Variants in SEMA6A observed in about 807,000 individuals in gnomAD.
The protein encoded by SEMA6A is semaphorin-6A.
A neutral mutation model predicts 96.8 loss-of-function variants in SEMA6A; 25 were observed. The observed-to-expected ratio is 0.26, with a 90% CI of 0.19 to 0.36. The LOEUF (loss-of-function observed/expected upper bound fraction) is 0.36, where lower values mean the gene tolerates loss of function less well. Ranked by LOEUF, SEMA6A falls within the 10% of genes least tolerant of loss-of-function variation. The pLI is 1.00. For synonymous variants in SEMA6A, 612 were observed against 518.0 expected (o/e 1.18, Z -2.46); for missense variants, 1,363 against 1,323.1 (o/e 1.03, Z -0.47).
At position 116,499,624 on chromosome 5, in the gene SEMA6A, G is replaced by T. The variant is rs146920624; in HGVS notation, c.219-2237C>A. ...GAACTCCTTTAAGAATTTTTCTAAG[G>T]TTGTCTGTTGAGAGGAAGTGGCTGC... is the stretch of plus-strand genomic sequence containing the variant. On this transcript the variant is annotated intron_variant, in intron 3 of 18. Transcript: ENST00000343348. Among the ~76,000 whole-genome samples the T allele has an allele frequency of 5.6e-3, 858 of 152,298 alleles. 10 individuals are homozygous for T. The highest frequency in any genetic ancestry group is 0.018 in the African/African-American group (738 of 41,570).
intron 18 of SEMA6A, among the ~76,000 whole-genome samples, chr5:116,450,895 C>G (rs1013905940): frequency 2.6e-5 from 4 of 152,156 alleles, no homozygotes; most frequent in African/African-American, 9.7e-5. Context: ...TTTGGAAATG[C>G]CTTTCAAACT....
In SEMA6A at chr5:116,482,509, G is replaced by A; in HGVS notation, c.1029C>T (p.Phe343=). 6.2e-7 allele frequency: 1 copy of A among 1,613,488 alleles called. No individual in the cohort carries two copies. The highest frequency in any genetic ancestry group is 8.5e-7 in the Non-Finnish European group (1 of 1,179,580). ...TGGAATCAGGAGACTTCTGTTCCTT[G>A]AATCTCCCAGTAAAAACACTGGCAA... ...LDIASVFTGR[F]KEQKSPDSTW... The change falls in exon 11 of 19, where the codon TTC becomes TTT. Residue 343 remains phenylalanine, a synonymous_variant. Coordinates refer to ENST00000343348, the MANE Select transcript of SEMA6A (RefSeq NM_020796.5).
chr5:116,481,181 T>G (rs1439376164), intron 11 of SEMA6A, among the ~76,000 whole-genome samples: 1 of 152,166 alleles, frequency 6.6e-6, no homozygotes, highest in East Asian at 1.9e-4. Flanking sequence ...TCACTGCCAT[T>G]AGTAGAAAAT....
intron 13 of SEMA6A, 85 bp from the exon 14 acceptor site, chr5:116,478,239 A>G: frequency 6.8e-7 from 1 of 1,477,834 alleles, no homozygotes; most frequent in Non-Finnish European, 9.2e-7. Context: ...CCCAGCCCAC[A>G]AGGCAATCTC....
intron 1 of SEMA6A, among the ~76,000 whole-genome samples, chr5:116,531,565 A>T (rs1168151721): frequency 6.6e-6 from 1 of 152,120 alleles, no homozygotes; most frequent in Admixed American, 6.5e-5. Flanking sequence ...CTCCTGTTAG[A>T]TATAGTGATT....
At chr5:116,509,605 T>A (rs1488587701) in intron 1 of SEMA6A, among the ~76,000 whole-genome samples, 3 of 133,928 alleles carry the variant, frequency 2.2e-5, no homozygotes, top group Non-Finnish European at 3.3e-5. Flanking sequence ...TCTCTGTGTG[T>A]GTGAGAGAGA....
At chr5:116,503,034 T>C (rs964368317) in intron 2 of SEMA6A, among the ~76,000 whole-genome samples, 7 of 152,176 alleles carry the variant, frequency 4.6e-5, no homozygotes, top group Non-Finnish European at 8.8e-5. Flanking sequence ...TATTTCTCTT[T>C]TCCTACACTT....
chr5:116,482,674 A>G (rs1361185080), intron 10 of SEMA6A, 99 bp from the exon 11 acceptor site: 1 of 1,235,406 alleles, frequency 8.1e-7, no homozygotes, highest in Non-Finnish European at 1.2e-6. Flanking sequence ...AGCAAATGAA[A>G]TTTAAAGTTC....
At chr5:116,471,241 C>G (rs976258084) in intron 17 of SEMA6A, 1 of 151,984 alleles carries the variant, frequency 6.6e-6, no homozygotes, top group African/African-American at 2.4e-5. Context: ...AGTGTTAACA[C>G]GGAAGCATTA....
At chr5:116,553,291 G>C (rs1760489066) in intron 1 of SEMA6A, among the ~76,000 whole-genome samples, 1 of 152,096 alleles carries the variant, frequency 6.6e-6, no homozygotes, top group Non-Finnish European at 1.5e-5. Context: ...ATAAACCTCA[G>C]TGAAACCACC....
chr5:116,510,062 T>A (rs1316904140), intron 1 of SEMA6A, among the ~76,000 whole-genome samples: 1 of 152,146 alleles, frequency 6.6e-6, no homozygotes, highest in Non-Finnish European at 1.5e-5. Flanking sequence ...CTCTCTTCCA[T>A]GTAGCTCTCA....
intron 18 of SEMA6A, 120 bp from the exon 19 acceptor site, chr5:116,447,931 C>T: frequency 1.2e-6 from 1 of 810,114 alleles, no homozygotes; most frequent in Non-Finnish European, 1.9e-6. Flanking sequence ...CTCTGCACAA[C>T]TTGTCTTCCA....
rs1349262155 is a variant in SEMA6A at position 116,445,262 on chromosome 5, T to G, written c.*1351A>C. ...CACTTATTTCAAAAGGGGGAACAGT[T>G]GATCATAAAGAGTTTACAAGTGTAC... On this transcript the variant is annotated 3_prime_UTR_variant, in exon 19 of 19. Transcript: ENST00000343348. 6.6e-6 allele frequency: 1 copy of G among 152,640 alleles called. No homozygotes were observed. Among genetic ancestry groups the G allele is most frequent in the Admixed American group, 6.5e-5 (1 of 15,284 alleles). The allele number at this position is 152,640 out of a possible 1,614,324, so 9.5% of individuals were successfully genotyped here.
intron 1 of SEMA6A, among the ~76,000 whole-genome samples, chr5:116,530,571 T>C (rs1347730416): frequency 6.6e-6 from 1 of 152,178 alleles, no homozygotes; most frequent in Non-Finnish European, 1.5e-5. Flanking sequence ...TAAGCTTTTT[T>C]TAAGAGAAAA....
At chr5:116,524,826 T>C (rs1759146978) in intron 1 of SEMA6A, among the ~76,000 whole-genome samples, 1 of 35,058 alleles carries the variant, frequency 2.9e-5, no homozygotes, top group South Asian at 2.0e-3. Flanking sequence ...GCTTATTCTT[T>C]AGGGGTTAGG....
rs1178343035 is a variant in SEMA6A at position 116,446,795 on chromosome 5, C to T, written c.2911G>A (p.Val971Met). ...PAPQRVDSIQ[V>M]HSSQPSGQAV... ...TGGCCAGATGGCTGGGAGCTGTGCA[C>T]CTGGATGGAGTCCACCCTCTGCGGG... Residue 971 changes from valine to methionine, a missense_variant, in exon 19 of 19, where the codon GTG becomes ATG. Physicochemically the swap from Val to Met is conservative, Grantham distance 21 (BLOSUM62 1). This residue lies in a region of SEMA6A where 883 missense variants were observed against 763.6 expected (regional missense o/e 1.16). Transcript: ENST00000343348. The T allele has an allele frequency of 1.9e-6, 3 of 1,612,982 alleles. No individual in the cohort carries two copies. Among genetic ancestry groups the T allele is most frequent in the South Asian group, 1.1e-5 (1 of 90,934 alleles).
intron 18 of SEMA6A, among the ~76,000 whole-genome samples, chr5:116,454,298 GAGT>G (rs1754846407): frequency 6.6e-6 from 1 of 152,158 alleles, no homozygotes; most frequent in Non-Finnish European, 1.5e-5. Context: ...AAAAGCCCCG[GAGT>G]AGCATCCCCT....
intron 1 of SEMA6A, among the ~76,000 whole-genome samples, chr5:116,520,463 T>C (rs1483297444): frequency 6.6e-6 from 1 of 152,064 alleles, no homozygotes; most frequent in Non-Finnish European, 1.5e-5. Context: ...CATTAAATAG[T>C]GAATGAAGCT....
chr5:116,541,085 T>C (rs1416448915), intron 1 of SEMA6A, among the ~76,000 whole-genome samples: 7 of 152,166 alleles, frequency 4.6e-5, no homozygotes, highest in Non-Finnish European at 8.8e-5. Context: ...CTACATCATG[T>C]CTTTTTCAGG....
Sources: gnomAD v4.1 joint callset for allele counts (sites outside exome capture counted in the v4.1 genomes callset) on GRCh38, gnomAD v4.1.1 for gene constraint, gnomAD v4.1.1 regional missense constraint, MANE v1.5 for transcripts, NCBI Gene and HGNC (gene_info 2026-07-23, HGNC 2026-07-21) for gene names.